The following CELF5 variants were observed in gnomAD, a reference collection of about 807,000 sequenced individuals.
CELF5 encodes the protein CUG-BP and ETR-3 like factor 5.
Under a neutral mutation model 54.9 loss-of-function variants are expected in CELF5, and 6 were observed. The ratio of observed to expected loss-of-function variants is 0.11; its 90% CI spans 0.06 to 0.22. The LOEUF (loss-of-function observed/expected upper bound fraction) is 0.22. CELF5 is among the 10% of genes least tolerant of loss of function. CELF5 has a pLI of 1.00. For synonymous variants in CELF5, 271 were observed against 290.9 expected, an observed-to-expected ratio of 0.93 and a Z score of 0.70; for missense variants, 401 against 678.6, an observed-to-expected ratio of 0.59 and a Z score of 4.54.
rs1338665139 is a variant in CELF5 at position 3,228,165 on chromosome 19, AAG to A, written c.259+3173_259+3174del. ...AGAGAGAGAGAGAGACACGCAGGGAAAGAGAGACAGAGAGACCCACAGAGAGA... is the reference window on the plus strand; with the variant it reads ...AGAGAGAGAGAGAGACACGCAGGGAAAGAGACAGAGAGACCCACAGAGAGA... On this transcript the variant is annotated intron_variant, in intron 1 of 12. Coordinates refer to ENST00000292672, the MANE Select transcript of CELF5 (RefSeq NM_021938.4). This position sits in a 1 kb window ranked among gnomAD's most constrained non-coding sequence, Gnocchi z 6.0. Among the ~76,000 whole-genome samples, 1 of 151,728 alleles carries A rather than the reference AAG, an allele frequency of 6.6e-6. No individual in the cohort carries two copies. Among genetic ancestry groups the A allele is most frequent in the Non-Finnish European group, 1.5e-5 (1 of 67,866 alleles).
chr19:3,267,707 C>G (rs2145203811), intron 2 of CELF5, among the ~76,000 whole-genome samples: 1 of 152,314 alleles, frequency 6.6e-6, no homozygotes, highest in African/African-American at 2.4e-5. Flanking sequence ...ATCTGATTGC[C>G]CTGGAAAAAG....
intron 2 of CELF5, among the ~76,000 whole-genome samples, chr19:3,269,777 T>A (rs1331434562): frequency 6.6e-6 from 1 of 152,134 alleles, no homozygotes; most frequent in Non-Finnish European, 1.5e-5. Context: ...TCTCCCTTTT[T>A]TGGAGATAGG....
At position 3,224,840 on chromosome 19, in the gene CELF5, G is replaced by A. The variant is rs776019924; in HGVS notation, c.101G>A (p.Gly34Glu). 24 of 1,593,422 alleles carry A rather than the reference G, an allele frequency of 1.5e-5. No homozygotes were observed. Among genetic ancestry groups the A allele is most frequent in the Non-Finnish European group, 2.0e-5 (24 of 1,171,232 alleles). ...VGSSGPEPPG[G>E]QPDGMKDLDA... ...AGCAGCGGGCCCGAGCCCCCCGGGG[G>A]GCAGCCCGACGGCATGAAGGACCTG... The change falls in exon 1 of 13, where the codon GGG becomes GAG. Residue 34 changes from glycine (G) to glutamate (E), a missense_variant. This residue lies in a region of CELF5 where 46 missense variants were observed against 55.0 expected (regional missense o/e 0.84). Transcript: ENST00000292672.
intron 1 of CELF5, among the ~76,000 whole-genome samples, chr19:3,243,445 TA>T (rs2079520568): frequency 1.3e-5 from 2 of 152,138 alleles, no homozygotes; most frequent in Non-Finnish European, 2.9e-5. Flanking sequence ...AACACCCAGC[TA>T]ATTTTTAAAA....
chr19:3,249,520 A>G (rs1052694407), intron 1 of CELF5, among the ~76,000 whole-genome samples: 3 of 144,776 alleles, frequency 2.1e-5, no homozygotes, highest in Non-Finnish European at 4.5e-5. Flanking sequence ...TCCGATCCCT[A>G]ATGTTGCCCA....
rs199781453 is a variant in CELF5, at chr19:3,282,512, G to A, written c.1039+14G>A. 52 of 1,607,276 alleles carry A rather than the reference G, an allele frequency of 3.2e-5. No individual in the cohort carries two copies. Among genetic ancestry groups the A allele is most frequent in the African/African-American group, 6.7e-5 (5 of 74,944 alleles). On this transcript the variant is annotated intron_variant, in intron 8 of 12. Coordinates refer to ENST00000292672, the MANE Select transcript of CELF5 (RefSeq NM_021938.4). The surrounding 1 kb of genome is among the most constrained non-coding windows in gnomAD (Gnocchi z 5.2). ...TGCCCTACCCAGGTAAATTGGGGTCGTCCTCTGGGGCCTAGGAGAGTGGTG... is the reference window on the plus strand; with the variant it reads ...TGCCCTACCCAGGTAAATTGGGGTCATCCTCTGGGGCCTAGGAGAGTGGTG...
At chr19:3,261,278 C>T (rs2145184139) in intron 2 of CELF5, among the ~76,000 whole-genome samples, 1 of 152,054 alleles carries the variant, frequency 6.6e-6, no homozygotes. Flanking sequence ...ATTAGCTGGG[C>T]ATGGTGGTGC....
intron 1 of CELF5, among the ~76,000 whole-genome samples, chr19:3,236,631 C>G (rs913804138): frequency 3.9e-5 from 6 of 152,030 alleles, no homozygotes; most frequent in African/African-American, 1.5e-4. Context: ...ATCGGTGCAT[C>G]GTAGGTGCTC....
At chr19:3,237,718 C>T (rs890020815) in intron 1 of CELF5, among the ~76,000 whole-genome samples, 2 of 152,082 alleles carry the variant, frequency 1.3e-5, no homozygotes, top group African/African-American at 4.8e-5. Flanking sequence ...CTTTTGATAC[C>T]GTTCTGCCAA....
At chr19:3,284,067 G>A (rs1330263112) in intron 8 of CELF5, among the ~76,000 whole-genome samples, 3 of 151,114 alleles carry the variant, frequency 2.0e-5, no homozygotes, top group East Asian at 2.0e-4. Flanking sequence ...AGCTGGTCTC[G>A]AAACTCCTGG....
intron 1 of CELF5, among the ~76,000 whole-genome samples, chr19:3,240,308 C>T (rs1362431700): frequency 2.0e-5 from 3 of 151,886 alleles, no homozygotes; most frequent in Non-Finnish European, 4.4e-5. Flanking sequence ...TGAGCCACTG[C>T]ACCTGGCCCT....
At chr19:3,245,422 G>A (rs559602571) in intron 1 of CELF5, among the ~76,000 whole-genome samples, 1 of 150,780 alleles carries the variant, frequency 6.6e-6, no homozygotes, top group African/African-American at 2.4e-5. Context: ...GGTGTGTGGT[G>A]TGTGTGTGTG....
chr19:3,245,502 G>A (rs78636936), intron 1 of CELF5, among the ~76,000 whole-genome samples: 1 of 150,244 alleles, frequency 6.7e-6, no homozygotes, highest in East Asian at 2.0e-4. Context: ...GTTGCTCAGG[G>A]CACCTACCCA....
At chr19:3,230,384 C>T (rs372389053) in intron 1 of CELF5, among the ~76,000 whole-genome samples, 3 of 152,110 alleles carry the variant, frequency 2.0e-5, no homozygotes, top group South Asian at 2.1e-4. Flanking sequence ...GTGTTCCAGG[C>T]CCTATGATGG....
intron 1 of CELF5, among the ~76,000 whole-genome samples, chr19:3,234,152 A>T (rs1917409360): frequency 6.6e-6 from 1 of 152,142 alleles, no homozygotes; most frequent in Non-Finnish European, 1.5e-5. Context: ...TTGTACACAT[A>T]GGGAAATGGA....
intron 10 of CELF5, among the ~76,000 whole-genome samples, chr19:3,287,258 A>C (rs1330577807): frequency 6.6e-6 from 1 of 151,114 alleles, no homozygotes; most frequent in Non-Finnish European, 1.5e-5. Context: ...ACTTCACTTA[A>C]ATGAAGTTTT....
Position 3,224,880 on chromosome 19 carries a change from C to T in CELF5, c.141C>T (p.Leu47=). 3.7e-6 allele frequency: 6 copies of T among 1,608,602 alleles called. No individual in the cohort carries two copies. The highest frequency in any genetic ancestry group is 1.1e-5 in the South Asian group (1 of 90,064). ...DGMKDLDAIK[L]FVGQIPRHLD... ...TGAAGGACCTGGACGCCATCAAACTCTTCGTGGGCCAGATCCCGCGGCACC... is the reference window on the plus strand; with the variant it reads ...TGAAGGACCTGGACGCCATCAAACTTTTCGTGGGCCAGATCCCGCGGCACC... Residue 47 remains leucine (L), a synonymous_variant, in exon 1 of 13, where the codon CTC becomes CTT. Coordinates refer to ENST00000292672, the MANE Select transcript of CELF5 (RefSeq NM_021938.4).
At chr19:3,257,160 G>A (rs61502030) in intron 2 of CELF5, among the ~76,000 whole-genome samples, 2,464 of 152,290 alleles carry the variant, frequency 0.016, 66 homozygotes, top group African/African-American at 0.057. Flanking sequence ...TCTCTGAGGA[G>A]ATGGCCTGGA....
intron 1 of CELF5, among the ~76,000 whole-genome samples, chr19:3,247,370 C>T (rs1042248858): frequency 6.6e-6 from 1 of 152,144 alleles, no homozygotes; most frequent in African/African-American, 2.4e-5. Flanking sequence ...TCGTGATCCA[C>T]CTGCCTTGGC....
Sources: allele counts gnomAD v4.1 joint callset (sites outside exome capture counted in the v4.1 genomes callset), GRCh38; gene constraint gnomAD v4.1.1; regional missense constraint gnomAD v4.1.1; non-coding constraint Gnocchi (gnomAD v3.1); transcripts MANE v1.5; gene names NCBI Gene and HGNC (gene_info 2026-07-23, HGNC 2026-07-21).